Variants in GRIA1 observed in about 807,000 individuals in gnomAD.
The protein encoded by GRIA1 is glutamate ionotropic receptor AMPA type subunit 1.
GRIA1 carries 31 observed loss-of-function variants against 99.2 expected under a neutral mutation model. That is an observed-to-expected ratio of 0.31 (90% CI 0.23 to 0.42). GRIA1 has a LOEUF of 0.42. Ranked by LOEUF, GRIA1 falls within the 10% of genes least tolerant of loss-of-function variation. The pLI, the probability that GRIA1 is intolerant of heterozygous loss-of-function variation, is 1.00. For synonymous variants in GRIA1, 438 were observed against 432.4 expected (o/e 1.01, Z -0.16); for missense variants, 782 against 1,157.5 (o/e 0.68, Z 4.71).
Position 153,730,641 on chromosome 5 carries a change from T to C in GRIA1, c.1823+24574T>C, listed in dbSNP as rs543143463. Among the ~76,000 whole-genome samples, 6 of 152,222 alleles carry C rather than the reference T, an allele frequency of 3.9e-5. No individual in the cohort carries two copies. In the South Asian group the frequency reaches 1.2e-3, roughly 32 times the overall value. On this transcript the variant is annotated intron_variant, in intron 11 of 15. Transcript: ENST00000285900. ...AGAAAATAAAGAATAAATTAGTAAG[T>C]GCTCAATAAAAGAATGGTGGACTGA...
Position 153,677,003 on chromosome 5 carries a change from G to A in GRIA1, c.871G>A (p.Ala291Thr), listed in dbSNP as rs747812130. The change falls in exon 7 of 16, where the codon GCG (alanine) becomes ACG (threonine). Residue 291 changes from alanine (A) to threonine (T), a missense_variant. Physicochemically the swap from Ala to Thr is moderately conservative, Grantham distance 58. Transcript: ENST00000285900. ...CCATTCCTCCCACTAGTACACCTCTGCGCTCACCTACGATGGGGTGAAGGT... is the reference window on the plus strand; with the variant it reads ...CCATTCCTCCCACTAGTACACCTCTACGCTCACCTACGATGGGGTGAAGGT... ...VDWKRPKYTS[A>T]LTYDGVKVMA... is the part of the protein sequence containing the mutation. 1 of 1,491,850 alleles carries A rather than the reference G, an allele frequency of 6.7e-7. No homozygotes were observed. The highest frequency in any genetic ancestry group is 9.0e-7 in the Non-Finnish European group (1 of 1,111,446). The allele number at this position is 1,491,850 out of a possible 1,614,324, so 92.4% of individuals were successfully genotyped here. A position where few individuals can be genotyped will look rare whatever the true frequency, so the allele number is the denominator to read the frequency against.
intron 11 of GRIA1, among the ~76,000 whole-genome samples, chr5:153,708,214 C>G (rs1364740656): frequency 6.6e-6 from 1 of 152,110 alleles, no homozygotes; most frequent in Non-Finnish European, 1.5e-5. Flanking sequence ...CAGAATTTGG[C>G]AATGGTTACC....
At chr5:153,774,878 C>T (rs1469365038) in intron 13 of GRIA1, among the ~76,000 whole-genome samples, 1 of 152,188 alleles carries the variant, frequency 6.6e-6, no homozygotes, top group African/African-American at 2.4e-5. Flanking sequence ...TTGTTTGTTT[C>T]TTCTGCTCTG....
At chr5:153,802,853 A>C (rs1250765853) in intron 15 of GRIA1, among the ~76,000 whole-genome samples, 1 of 152,116 alleles carries the variant, frequency 6.6e-6, no homozygotes, top group African/African-American at 2.4e-5. Context: ...AAAAGAGAGG[A>C]AAGGATGTCT....
intron 11 of GRIA1, among the ~76,000 whole-genome samples, chr5:153,737,776 C>T (rs1326557347): frequency 6.6e-6 from 1 of 152,114 alleles, no homozygotes; most frequent in African/African-American, 2.4e-5. Context: ...TTGTGTTTTA[C>T]ATACAGATGG....
rs563000959 is a variant in GRIA1, at chr5:153,670,744, G to A, written c.700-3756G>A. ...AAACCTTATTTAATGAGAGTTCCCC[G>A]GGGAACAGAATGAGTGAATTGAATT... is the stretch of plus-strand genomic sequence containing the variant. On this transcript the variant is annotated intron_variant, in intron 5 of 15. Transcript: ENST00000285900. 3.3e-5 allele frequency among the ~76,000 whole-genome samples: 5 copies of A among 152,042 alleles called. No homozygotes were observed. The South Asian group carries it at 6.2e-4, about 19-fold the overall frequency.
intron 2 of GRIA1, among the ~76,000 whole-genome samples, chr5:153,565,515 A>G (rs1761535723): frequency 6.6e-6 from 1 of 152,206 alleles, no homozygotes; most frequent in Admixed American, 6.5e-5. Flanking sequence ...GTATATTCAC[A>G]GATATATACA....
At chr5:153,584,850 A>G in intron 2 of GRIA1, among the ~76,000 whole-genome samples, 1 of 152,256 alleles carries the variant, frequency 6.6e-6, no homozygotes, top group East Asian at 1.9e-4. Flanking sequence ...AAACAAAAGC[A>G]GTCTGCAGTC....
rs530818447 is a variant in GRIA1 at position 153,742,704 on chromosome 5, C to A, written c.1824-21730C>A. Among the ~76,000 whole-genome samples the A allele has an allele frequency of 1.8e-4, 27 of 152,296 alleles. No homozygotes were observed. In the South Asian group the frequency reaches 5.6e-3, roughly 32 times the overall value. The stretch of plus-strand genomic sequence containing the variant: ...CTTCGACTTGTGGCCCCCTTTTGCT[C>A]TTCTCCAAGCCAGCAATGGAAGATC... On this transcript the variant is annotated intron_variant, in intron 11 of 15. Transcript: ENST00000285900.
chr5:153,582,365 G>T (rs1271669235), intron 2 of GRIA1, among the ~76,000 whole-genome samples: 1 of 152,202 alleles, frequency 6.6e-6, no homozygotes. Context: ...CCCTGTGAAA[G>T]TGTTGGCATA....
intron 2 of GRIA1, among the ~76,000 whole-genome samples, chr5:153,604,065 A>G (rs1765238933): frequency 6.6e-6 from 1 of 152,128 alleles, no homozygotes; most frequent in African/African-American, 2.4e-5. Flanking sequence ...TCATTTTTGT[A>G]ATGTTACTAT....
intron 11 of GRIA1, among the ~76,000 whole-genome samples, chr5:153,731,310 C>T (rs940650006): frequency 6.6e-6 from 1 of 151,458 alleles, no homozygotes; most frequent in Non-Finnish European, 1.5e-5. Context: ...CTCCTGGGCC[C>T]TTTTTGAGTT....
intron 2 of GRIA1, among the ~76,000 whole-genome samples, chr5:153,596,917 C>A (rs1197538751): frequency 6.6e-6 from 1 of 152,228 alleles, no homozygotes; most frequent in African/African-American, 2.4e-5. Context: ...TGCCACTCAG[C>A]TGTCATACAG....
At chr5:153,598,839 A>T (rs1278727278) in intron 2 of GRIA1, among the ~76,000 whole-genome samples, 3 of 152,128 alleles carry the variant, frequency 2.0e-5, no homozygotes, top group African/African-American at 7.2e-5. Context: ...TTTAGGTTTA[A>T]TAAAGCTTCC....
chr5:153,567,629 T>C (rs960569541), intron 2 of GRIA1, among the ~76,000 whole-genome samples: 7 of 152,184 alleles, frequency 4.6e-5, no homozygotes, highest in South Asian at 2.1e-4. Flanking sequence ...TCACTCTCAA[T>C]TGAGAACCAC....
chr5:153,494,383 C>T (rs879580405), intron 2 of GRIA1: 5 of 282,470 alleles, frequency 1.8e-5, no homozygotes, highest in Admixed American at 9.6e-5. Flanking sequence ...TTTACACATA[C>T]GAATCTTCTG....
chr5:153,751,763 C>A (rs756511112), intron 11 of GRIA1, among the ~76,000 whole-genome samples: 1 of 152,220 alleles, frequency 6.6e-6, no homozygotes, highest in Non-Finnish European at 1.5e-5. Context: ...CCCATCAGAT[C>A]CTTACTATCT....
At chr5:153,507,449 G>A (rs1172547743) in intron 2 of GRIA1, among the ~76,000 whole-genome samples, 1 of 152,114 alleles carries the variant, frequency 6.6e-6, no homozygotes, top group Admixed American at 6.6e-5. Context: ...TACATTCTGA[G>A]TTCAACATAT....
intron 2 of GRIA1, among the ~76,000 whole-genome samples, chr5:153,585,112 G>A (rs190301070): frequency 1.3e-4 from 20 of 152,146 alleles, no homozygotes; most frequent in Admixed American, 1.3e-3. Flanking sequence ...CTTAGGTGCT[G>A]GGTACACACT....
Sources: allele counts gnomAD v4.1 joint callset (sites outside exome capture counted in the v4.1 genomes callset), GRCh38; gene constraint gnomAD v4.1.1; transcripts MANE v1.5; gene names NCBI Gene and HGNC (gene_info 2026-07-23, HGNC 2026-07-21).